Variants in SCN11A observed in about 807,000 individuals in gnomAD.
The protein encoded by SCN11A is sodium channel protein type 11 subunit alpha.
SCN11A carries 122 observed loss-of-function variants against 162.2 expected under a neutral mutation model. That is an observed-to-expected ratio of 0.75 (90% confidence interval 0.65 to 0.87). The LOEUF (loss-of-function observed/expected upper bound fraction) is 0.87. Among genes scored for constraint, SCN11A ranks in the 40% least tolerant of loss-of-function variants. The probability of loss-of-function intolerance (pLI) is 0.00; values close to 1 mark genes in which losing one functional copy is unlikely to be tolerated. For synonymous variants in SCN11A, 758 were observed against 751.5 expected (o/e 1.01, Z -0.14); for missense variants, 2,015 against 2,181.6 (o/e 0.92, Z 1.52).
At chr3:38,951,275 G>T (rs953704392) in intron 4 of SCN11A, among the ~76,000 whole-genome samples, 8 of 152,254 alleles carry the variant, frequency 5.3e-5, no homozygotes, top group African/African-American at 1.9e-4. Flanking sequence ...GGCCCGGGCA[G>T]TGAGGGGCTT....
chr3:39,028,075 C>T (rs2125609945), intron 2 of SCN11A, among the ~76,000 whole-genome samples: 1 of 152,292 alleles, frequency 6.6e-6, no homozygotes, highest in East Asian at 1.9e-4. Flanking sequence ...AACCCCTACC[C>T]CCTCCCAAAT....
At chr3:39,017,099 G>T (rs897873587) in intron 2 of SCN11A, among the ~76,000 whole-genome samples, 2 of 152,150 alleles carry the variant, frequency 1.3e-5, no homozygotes, top group Non-Finnish European at 2.9e-5. Context: ...TATATCATGA[G>T]AGTGGAGCCC....
chr3:39,006,603 T>C (rs761997852), intron 2 of SCN11A, among the ~76,000 whole-genome samples: 4 of 151,990 alleles, frequency 2.6e-5, no homozygotes, highest in Non-Finnish European at 4.4e-5. Flanking sequence ...GAAGAAAACA[T>C]ATTATCGAAG....
intron 7 of SCN11A, among the ~76,000 whole-genome samples, chr3:38,928,880 C>G (rs1335496135): frequency 6.6e-6 from 1 of 152,078 alleles, no homozygotes; most frequent in East Asian, 1.9e-4. Context: ...AGTATGAAGA[C>G]TCCTCAAAAA....
At chr3:38,851,998 T>C (rs150253637) in intron 28 of SCN11A, among the ~76,000 whole-genome samples, 346 of 152,208 alleles carry the variant, frequency 2.3e-3, no homozygotes, top group Non-Finnish European at 3.8e-3. Context: ...AGAGAGATGA[T>C]AAGATCTGAC....
intron 7 of SCN11A, among the ~76,000 whole-genome samples, chr3:38,928,817 A>T (rs2066186242): frequency 6.6e-6 from 1 of 152,184 alleles, no homozygotes; most frequent in African/African-American, 2.4e-5. Flanking sequence ...AGAAATGGGA[A>T]CACTTGTGCA....
chr3:39,030,160 G>A (rs1436957019), intron 2 of SCN11A, among the ~76,000 whole-genome samples: 1 of 152,184 alleles, frequency 6.6e-6, no homozygotes, highest in African/African-American at 2.4e-5. Flanking sequence ...ATCTAAGTGG[G>A]GAGGGGCATG....
chr3:39,013,021 G>C (rs187858884), intron 2 of SCN11A, among the ~76,000 whole-genome samples: 1 of 152,182 alleles, frequency 6.6e-6, no homozygotes, highest in Non-Finnish European at 1.5e-5. Flanking sequence ...TGTACCTCCA[G>C]CTAGAGTTTA....
intron 2 of SCN11A, among the ~76,000 whole-genome samples, chr3:39,017,344 C>A (rs35094840): frequency 0.046 from 5,731 of 123,420 alleles, 351 homozygotes; most frequent in African/African-American, 0.15. Context: ...TTTGTTACAG[C>A]AGCCCAAGCT....
At chr3:38,981,881 G>C (rs374752849) in intron 2 of SCN11A, among the ~76,000 whole-genome samples, 1 of 151,880 alleles carries the variant, frequency 6.6e-6, no homozygotes, top group Non-Finnish European at 1.5e-5. Context: ...GCAGGCACCT[G>C]TAGTCCCAGC....
chr3:39,000,255 A>T (rs1222928052), intron 2 of SCN11A, among the ~76,000 whole-genome samples: 1 of 152,150 alleles, frequency 6.6e-6, no homozygotes, highest in Non-Finnish European at 1.5e-5. Flanking sequence ...CAAGACTTAA[A>T]ATCCTTTCCC....
At chr3:39,043,724 T>C (rs2032114381) in intron 1 of SCN11A, among the ~76,000 whole-genome samples, 1 of 151,564 alleles carries the variant, frequency 6.6e-6, no homozygotes, top group Non-Finnish European at 1.5e-5. Context: ...GGCTGATGAG[T>C]ACAAAAAAAA....
chr3:38,930,118 C>T (rs549240834), intron 7 of SCN11A, among the ~76,000 whole-genome samples: 7 of 152,244 alleles, frequency 4.6e-5, no homozygotes, highest in South Asian at 2.1e-4. Context: ...CACATACACA[C>T]GCTCACTTGG....
chr3:38,920,006 G>A lies in SCN11A; in HGVS notation c.893-5C>T. 1 of 1,607,878 alleles carries A rather than the reference G, an allele frequency of 6.2e-7. No homozygotes were observed. Among genetic ancestry groups the A allele is most frequent in the Non-Finnish European group, 8.5e-7 (1 of 1,176,106 alleles). The stretch of plus-strand genomic sequence containing the variant: ...CTTTCTTTTCAAAGCAATGGTCTGA[G>A]AGAGGAAAAAGTCATAAATTCAGAT... On this transcript the variant is annotated splice_polypyrimidine_tract_variant and splice_region_variant and intron_variant, in intron 10 of 29. Transcript: ENST00000302328.
Position 38,945,485 on chromosome 3 carries a change from G to C in SCN11A, c.414C>G (p.Thr138=), listed in dbSNP as rs765162266. 6.3e-7 allele frequency: 1 copy of C among 1,587,410 alleles called. No homozygotes were observed. The highest frequency in any genetic ancestry group is 1.3e-5 in the African/African-American group (1 of 74,240). The change falls in exon 7 of 30, where the codon ACC becomes ACG. Residue 138 remains threonine, a synonymous_variant. Coordinates refer to ENST00000302328, the MANE Select transcript of SCN11A (RefSeq NM_001349253.2). ...CCATGAACACGCAGTTGATGATAAC[G>C]GTGCCGATAATGAACATGCTGAACA... The part of the protein sequence containing the change: ...HSLFSMFIIG[T]VIINCVFMAT...
At chr3:38,989,658 TA>T (rs1456691150) in intron 2 of SCN11A, among the ~76,000 whole-genome samples, 1 of 152,232 alleles carries the variant, frequency 6.6e-6, no homozygotes, top group African/African-American at 2.4e-5. Flanking sequence ...GTGGAGAGGC[TA>T]GGGTTCCAAC....
intron 2 of SCN11A, among the ~76,000 whole-genome samples, chr3:38,969,471 G>T (rs1426225654): frequency 6.6e-6 from 1 of 152,108 alleles, no homozygotes. Flanking sequence ...CCCCTCCTTA[G>T]GGAACACAGG....
intron 1 of SCN11A, among the ~76,000 whole-genome samples, chr3:39,036,430 C>A (rs1381635877): frequency 6.6e-6 from 1 of 152,178 alleles, no homozygotes. Context: ...CAGGCAAGAG[C>A]CACCACACCT....
chr3:39,015,125 A>C (rs2031254610), intron 2 of SCN11A, among the ~76,000 whole-genome samples: 1 of 152,174 alleles, frequency 6.6e-6, no homozygotes, highest in Admixed American at 6.5e-5. Flanking sequence ...AAGAAGAGAG[A>C]GCCATTAAGA....
Sources: gnomAD v4.1 joint callset for allele counts (sites outside exome capture counted in the v4.1 genomes callset) on GRCh38, gnomAD v4.1.1 for gene constraint, MANE v1.5 for transcripts, NCBI Gene and HGNC (gene_info 2026-07-23, HGNC 2026-07-21) for gene names.